The following PASD1 variants were observed in gnomAD, a reference collection of about 807,000 sequenced individuals.
PASD1 encodes the protein circadian clock protein PASD1.
Under a neutral mutation model 58.8 loss-of-function variants are expected in PASD1, and 13 were observed. That is an observed-to-expected ratio of 0.22 (90% CI 0.14 to 0.35). The LOEUF (loss-of-function observed/expected upper bound fraction) is 0.35. Ranked by LOEUF, PASD1 falls within the 10% of genes least tolerant of loss-of-function variation. The probability of loss-of-function intolerance (pLI) is 1.00; values close to 1 mark genes in which losing one functional copy is unlikely to be tolerated. For synonymous variants in PASD1, 236 were observed against 216.7 expected, an observed-to-expected ratio of 1.09 and a Z score of -0.78; for missense variants, 734 against 568.3, an observed-to-expected ratio of 1.29 and a Z score of -2.96.
At chrX:151,593,033 G>A (rs1293702398) in intron 1 of PASD1, among the ~76,000 whole-genome samples, 1 of 110,437 alleles carries the variant, frequency 9.1e-6, no homozygotes, top group Non-Finnish European at 1.9e-5. Flanking sequence ...GTAGTTAGAT[G>A]TAAACATATT....
chrX:151,563,754 T>A lies in PASD1; in HGVS notation c.-113T>A, dbSNP rs1407931042. 1 of 112,174 alleles carries A rather than the reference T, an allele frequency of 8.9e-6. No individual in the cohort carries two copies. Among genetic ancestry groups the A allele is most frequent in the African/African-American group, 3.2e-5 (1 of 30,815 alleles). The allele number at this position is 112,174 out of a possible 1,213,427, so 9.2% of individuals were successfully genotyped here. ...CAGACTTTCCGGGCGCCCACCAGGC[T>A]CCCGGGCTCTCACCGGAGACCACAG... On this transcript the variant is annotated 5_prime_UTR_variant, in exon 1 of 16. Coordinates refer to ENST00000370357, the MANE Select transcript of PASD1 (RefSeq NM_173493.3).
chrX:151,578,577 C>A (rs1179130571), intron 1 of PASD1, among the ~76,000 whole-genome samples: 1 of 112,470 alleles, frequency 8.9e-6, no homozygotes, highest in East Asian at 2.8e-4. Context: ...CCAGTAGATT[C>A]AAAAACTGGC....
chrX:151,660,025 C>T (rs1277969031), intron 10 of PASD1, among the ~76,000 whole-genome samples, 189 bp downstream of exon 10: 1 of 112,251 alleles, frequency 8.9e-6, no homozygotes, highest in Non-Finnish European at 1.9e-5. Context: ...AGTATTTCAT[C>T]ACAGATTCAA....
chrX:151,587,634 G>T (rs1449558289), intron 1 of PASD1, among the ~76,000 whole-genome samples: 1 of 111,276 alleles, frequency 9.0e-6, no homozygotes, highest in Non-Finnish European at 1.9e-5. Context: ...CAGGGTCTAT[G>T]CTTGTGCAGT....
intron 7 of PASD1, among the ~76,000 whole-genome samples, chrX:151,623,559 T>C (rs1374556367): frequency 8.9e-6 from 1 of 112,022 alleles, no homozygotes; most frequent in East Asian, 2.8e-4. Context: ...CATTAATTTT[T>C]CCATTCAGTA....
intron 1 of PASD1, among the ~76,000 whole-genome samples, chrX:151,582,881 A>T (rs1051413532): frequency 1.8e-5 from 2 of 111,738 alleles, no homozygotes; most frequent in Admixed American, 1.9e-4. Context: ...CAGCATAGTT[A>T]TGATTTTTTG....
chrX:151,607,036 C>T (rs891725015), intron 3 of PASD1, among the ~76,000 whole-genome samples: 3 of 111,655 alleles, frequency 2.7e-5, no homozygotes, highest in East Asian at 2.8e-4. Context: ...TAGAGCATTA[C>T]CAGATCCTTT....
chrX:151,569,124 C>G (rs964604413), intron 1 of PASD1, among the ~76,000 whole-genome samples: 1 of 111,507 alleles, frequency 9.0e-6, no homozygotes, highest in African/African-American at 3.3e-5. Flanking sequence ...TTGGCTTGCT[C>G]TCCTCTAACT....
At position 151,671,182 on chromosome X, in the gene PASD1, A is replaced by G; in HGVS notation, c.1216A>G (p.Met406Val). ...QNQQNALELM[M>V]DHLQKQPNTL... ...CCAGCAGAATGCATTGGAATTGATG[A>G]TGGATCACCTTCAGGTCAGTCAGGA... is the stretch of plus-strand genomic sequence containing the variant. Residue 406 changes from methionine to valine, a missense_variant, in exon 12 of 16, where the codon ATG (methionine) becomes GTG (valine). By Grantham distance (21) the Met-to-Val change is conservative (BLOSUM62 1). Coordinates refer to ENST00000370357, the MANE Select transcript of PASD1 (RefSeq NM_173493.3). 3.3e-6 allele frequency: 4 copies of G among 1,211,252 alleles called. No individual in the cohort carries two copies. Among genetic ancestry groups the G allele is most frequent in the African/African-American group, 1.7e-5 (1 of 57,820 alleles).
chrX:151,592,084 C>T (rs1007373127), intron 1 of PASD1, among the ~76,000 whole-genome samples: 1 of 111,762 alleles, frequency 8.9e-6, no homozygotes, highest in Admixed American at 9.6e-5. Flanking sequence ...GTAGGCACAC[C>T]CTTTATATTG....
chrX:151,575,981 A>G (rs1177617008), intron 1 of PASD1, among the ~76,000 whole-genome samples: 5 of 109,954 alleles, frequency 4.5e-5, no homozygotes, highest in African/African-American at 1.7e-4. Context: ...CTCCTGCCTC[A>G]GCCTCCCAAG....
At chrX:151,569,050 A>T (rs765799155) in intron 1 of PASD1, among the ~76,000 whole-genome samples, 23 of 111,466 alleles carry the variant, frequency 2.1e-4, no homozygotes, top group Non-Finnish European at 3.6e-4. Flanking sequence ...TGATTTTGCA[A>T]TTCCCCCTAC....
At chrX:151,587,671 A>G (rs2013186995) in intron 1 of PASD1, among the ~76,000 whole-genome samples, 1 of 111,825 alleles carries the variant, frequency 8.9e-6, no homozygotes, top group African/African-American at 3.3e-5. Context: ...AACTAAGGTT[A>G]GAGAAAAGCA....
At chrX:151,587,667 G>A (rs2013186941) in intron 1 of PASD1, among the ~76,000 whole-genome samples, 1 of 111,669 alleles carries the variant, frequency 9.0e-6, no homozygotes, top group South Asian at 3.8e-4. Flanking sequence ...AAAGAACTAA[G>A]GTTAGAGAAA....
chrX:151,581,881 G>A (rs779425498), intron 1 of PASD1, among the ~76,000 whole-genome samples: 1 of 110,339 alleles, frequency 9.1e-6, no homozygotes, highest in South Asian at 4.0e-4. Flanking sequence ...AAATAGATAG[G>A]ATAGAGTTAC....
At chrX:151,652,212 T>G (rs2014136410) in intron 9 of PASD1, among the ~76,000 whole-genome samples, 2 of 111,233 alleles carry the variant, frequency 1.8e-5, no homozygotes, top group South Asian at 7.5e-4. Context: ...GATGAAAATA[T>G]TAAATAAAGA....
At chrX:151,656,801 C>G (rs1274493087) in intron 9 of PASD1, among the ~76,000 whole-genome samples, 1 of 111,825 alleles carries the variant, frequency 8.9e-6, no homozygotes, top group Non-Finnish European at 1.9e-5. Flanking sequence ...ATGTCATCTG[C>G]AAACAGGGAC....
Position 151,567,089 on chromosome X carries a change from T to TAAATAAATAAATAAATA in PASD1, c.-28+3257_-28+3258insTAAATAAATAAAATAAA, listed in dbSNP as rs1353948494. The stretch of plus-strand genomic sequence containing the variant: ...ATAAATAAATAAATAAATAAATAAA[T>TAAATAAATAAATAAATA]AAATAAAATAAAATAAAGTTTCAGA... On this transcript the variant is annotated intron_variant, in intron 1 of 15. Coordinates refer to ENST00000370357, the MANE Select transcript of PASD1 (RefSeq NM_173493.3). 7.0e-5 allele frequency among the ~76,000 whole-genome samples: 7 copies of TAAATAAATAAATAAATA among 100,232 alleles called. No homozygotes were observed. In the East Asian group the frequency reaches 1.2e-3, roughly 17 times the overall value. 87.0% of individuals were successfully genotyped at this position (100,232 alleles called of 115,157 possible). A position where few individuals can be genotyped will look rare whatever the true frequency, so the allele number is the denominator to read the frequency against.
chrX:151,639,360 A>G (rs1281210502), intron 8 of PASD1, among the ~76,000 whole-genome samples: 1 of 112,254 alleles, frequency 8.9e-6, no homozygotes, highest in Non-Finnish European at 1.9e-5. Context: ...ATGAAACTGT[A>G]AGATCCATGA....
Sources: gnomAD v4.1 joint callset for allele counts (sites outside exome capture counted in the v4.1 genomes callset) on GRCh38, gnomAD v4.1.1 for gene constraint, MANE v1.5 for transcripts, NCBI Gene and HGNC (gene_info 2026-07-23, HGNC 2026-07-21) for gene names.